Variants in PTPRD observed in about 807,000 individuals in gnomAD.
PTPRD encodes protein tyrosine phosphatase receptor type D, also known as receptor-type tyrosine-protein phosphatase delta.
PTPRD carries 34 observed loss-of-function variants against 214.5 expected under a neutral mutation model. The ratio of observed to expected loss-of-function variants is 0.16; its 90% CI spans 0.12 to 0.21. The LOEUF (loss-of-function observed/expected upper bound fraction) is 0.21, where lower values mean the gene tolerates loss of function less well. Ranked by LOEUF, PTPRD falls within the 10% of genes least tolerant of loss-of-function variation. The pLI, the probability that PTPRD is intolerant of heterozygous loss-of-function variation, is 1.00. For missense variants in PTPRD, 2,545 were observed against 2,398.7 expected (o/e 1.06, Z -1.27); for synonymous variants, 1,128 against 845.7 (o/e 1.33, Z -5.79).
In PTPRD at chr9:10,307,677, A is replaced by G. The variant is rs533204425; in HGVS notation, c.-545+33286T>C. Among the ~76,000 whole-genome samples the G allele has an allele frequency of 2.0e-4, 30 of 152,166 alleles. No individual in the cohort carries two copies. The South Asian group carries it at 3.5e-3, about 18-fold the overall frequency. On this transcript the variant is annotated intron_variant, in intron 3 of 45. Transcript: ENST00000381196. Reference sequence around the variant, plus strand: ...TAATTTACATTCTCACCAACAGTGTATAACAGTTCCCTTAAATACTGGATG... The same window carrying G: ...TAATTTACATTCTCACCAACAGTGTGTAACAGTTCCCTTAAATACTGGATG...
At chr9:10,139,601 C>G (rs77494515) in intron 3 of PTPRD, among the ~76,000 whole-genome samples, 1 of 151,686 alleles carries the variant, frequency 6.6e-6, no homozygotes, top group Non-Finnish European at 1.5e-5. Context: ...AACAAACAAA[C>G]GAAATGAGCT....
chr9:8,954,853 T>C (rs1588801743), intron 11 of PTPRD, among the ~76,000 whole-genome samples: 1 of 151,874 alleles, frequency 6.6e-6, no homozygotes, highest in African/African-American at 2.4e-5. Flanking sequence ...GAGTAAATAT[T>C]GAAAATAATC....
intron 11 of PTPRD, among the ~76,000 whole-genome samples, chr9:8,765,459 T>A (rs115363785): frequency 6.6e-6 from 1 of 152,172 alleles, no homozygotes; most frequent in South Asian, 2.1e-4. Context: ...CAGCCCCACA[T>A]GGTGAGAAAA....
At chr9:8,939,493 G>T (rs1455304779) in intron 11 of PTPRD, among the ~76,000 whole-genome samples, 2 of 152,162 alleles carry the variant, frequency 1.3e-5, no homozygotes, top group East Asian at 3.9e-4. Flanking sequence ...CTCCACCAAA[G>T]AACTATGTAA....
intron 8 of PTPRD, among the ~76,000 whole-genome samples, chr9:9,418,455 T>C (rs2077636969): frequency 6.6e-6 from 1 of 151,976 alleles, no homozygotes. Flanking sequence ...AAGATTAATC[T>C]TCAGTGAGAG....
chr9:9,753,978 T>C (rs575299581), intron 6 of PTPRD, among the ~76,000 whole-genome samples: 2 of 152,206 alleles, frequency 1.3e-5, no homozygotes, highest in South Asian at 2.1e-4. Flanking sequence ...TTAGATCCCC[T>C]AGATCCAATA....
At chr9:10,300,225 A>C (rs2154406297) in intron 3 of PTPRD, among the ~76,000 whole-genome samples, 1 of 152,296 alleles carries the variant, frequency 6.6e-6, no homozygotes, top group East Asian at 1.9e-4. Flanking sequence ...ATTTGCTGGC[A>C]AGATGGCCGA....
At chr9:10,238,600 T>C (rs935152119) in intron 3 of PTPRD, among the ~76,000 whole-genome samples, 11 of 152,042 alleles carry the variant, frequency 7.2e-5, no homozygotes, top group African/African-American at 2.6e-4. Context: ...ATACTTTTCC[T>C]TAAATGTATA....
chr9:9,595,318 T>C (rs2093218760), intron 7 of PTPRD, among the ~76,000 whole-genome samples: 1 of 75,638 alleles, frequency 1.3e-5, no homozygotes, highest in African/African-American at 3.4e-5. Context: ...ATATTATATA[T>C]ATTTTATATA....
At chr9:8,610,336 C>G (rs1365899462) in intron 14 of PTPRD, among the ~76,000 whole-genome samples, 3 of 152,088 alleles carry the variant, frequency 2.0e-5, no homozygotes, top group Non-Finnish European at 2.9e-5. Context: ...TGGCTATTAT[C>G]AATTTCAGTA....
intron 4 of PTPRD, among the ~76,000 whole-genome samples, chr9:9,998,129 A>AAATATATATAC (rs57991748): frequency 1.1e-5 from 1 of 91,496 alleles, no homozygotes; most frequent in Non-Finnish European, 2.0e-5. Flanking sequence ...AAAAAAAAAA[A>AAATATATATAC]ATATATATAT....
At chr9:9,869,754 A>C (rs1451718107) in intron 5 of PTPRD, among the ~76,000 whole-genome samples, 1 of 151,964 alleles carries the variant, frequency 6.6e-6, no homozygotes, top group Non-Finnish European at 1.5e-5. Flanking sequence ...TTAGTAACAA[A>C]AACAGTTTTC....
chr9:8,888,371 C>A (rs2098509224), intron 11 of PTPRD, among the ~76,000 whole-genome samples: 1 of 152,072 alleles, frequency 6.6e-6, no homozygotes, highest in African/African-American at 2.4e-5. Flanking sequence ...TGAAAGCATA[C>A]CAGATATACC....
At chr9:9,108,975 C>G (rs953419352) in intron 10 of PTPRD, among the ~76,000 whole-genome samples, 5 of 152,128 alleles carry the variant, frequency 3.3e-5, no homozygotes, top group Non-Finnish European at 7.3e-5. Flanking sequence ...CCCAATTTCC[C>G]TCTCCCCCAC....
chr9:10,471,500 T>C (rs2099030964), intron 2 of PTPRD, among the ~76,000 whole-genome samples: 2 of 152,094 alleles, frequency 1.3e-5, no homozygotes, highest in South Asian at 4.1e-4. Context: ...TGGCTTGTCA[T>C]CTGAGTTTTT....
At chr9:9,006,546 T>G (rs2099468925) in intron 11 of PTPRD, among the ~76,000 whole-genome samples, 1 of 152,022 alleles carries the variant, frequency 6.6e-6, no homozygotes, top group Non-Finnish European at 1.5e-5. Context: ...ACTCTAAATT[T>G]GCAATTCCCA....
At chr9:8,339,134 T>G in intron 42 of PTPRD, 87 bp from the exon 43 acceptor site, 1 of 1,311,940 alleles carries the variant, frequency 7.6e-7, no homozygotes, top group South Asian at 1.9e-5. Context: ...ATCTATCTAA[T>G]TTCCTTATCC....
intron 5 of PTPRD, among the ~76,000 whole-genome samples, chr9:9,851,124 G>T (rs1195106916): frequency 6.6e-6 from 1 of 152,166 alleles, no homozygotes; most frequent in African/African-American, 2.4e-5. Flanking sequence ...TGAAGTTAAA[G>T]TACAGTGCTT....
At chr9:9,730,946 C>A (rs2098179678) in intron 7 of PTPRD, among the ~76,000 whole-genome samples, 1 of 152,108 alleles carries the variant, frequency 6.6e-6, no homozygotes, top group South Asian at 2.1e-4. Context: ...ATTTTGACCT[C>A]TTAAAAGGTC....
Sources: gnomAD v4.1 joint callset for allele counts (sites outside exome capture counted in the v4.1 genomes callset) on GRCh38, gnomAD v4.1.1 for gene constraint, MANE v1.5 for transcripts, NCBI Gene and HGNC (gene_info 2026-07-23, HGNC 2026-07-21) for gene names.